The following CDC42BPA variants were observed in gnomAD, a reference collection of about 807,000 sequenced individuals.
CDC42BPA encodes the protein CDC42 binding protein kinase alpha.
Under a neutral mutation model 223.5 loss-of-function variants are expected in CDC42BPA, and 80 were observed. That is an observed-to-expected ratio of 0.36 (90% CI 0.30 to 0.43). The LOEUF (loss-of-function observed/expected upper bound fraction) is 0.43. Ranked by LOEUF, CDC42BPA falls within the 20% of genes least tolerant of loss-of-function variation. The pLI is 1.00. For missense variants in CDC42BPA, 1,743 were observed against 2,099.9 expected, an observed-to-expected ratio of 0.83 and a Z score of 3.32; for synonymous variants, 694 against 718.6, an observed-to-expected ratio of 0.97 and a Z score of 0.55.
At chr1:227,055,898 A>C (rs1161078743) in intron 21 of CDC42BPA, among the ~76,000 whole-genome samples, 1 of 151,854 alleles carries the variant, frequency 6.6e-6, no homozygotes, top group Non-Finnish European at 1.5e-5. Context: ...GCTCTGTTAA[A>C]AAAAAAAAGA....
Position 227,317,034 on chromosome 1 carries a change from T to C in CDC42BPA, c.149A>G (p.Glu50Gly). ...DECNNSPLRR[E>G]KNILEYLEWA... ...TTCTAGGTATTCGAGAATGTTCTTC[T>C]CTCTTCTCAATGGAGAATTATTGCA... is the stretch of plus-strand genomic sequence containing the variant. The change falls in exon 1 of 37, where the codon GAG becomes GGG. Residue 50 changes from glutamate (E) to glycine (G), a missense_variant. Around this residue, in one of 6 missense-constraint regions of CDC42BPA, gnomAD observed 321 missense variants for 488.7 expected, o/e 0.66. Coordinates refer to ENST00000366766, the MANE Select transcript of CDC42BPA (RefSeq NM_001394014.1). The C allele has an allele frequency of 6.2e-7, 1 of 1,613,690 alleles. No homozygotes were observed. The highest frequency in any genetic ancestry group is 8.5e-7 in the Non-Finnish European group (1 of 1,179,684).
chr1:227,023,664 C>A (rs920518260), intron 31 of CDC42BPA, among the ~76,000 whole-genome samples: 5 of 152,142 alleles, frequency 3.3e-5, no homozygotes, highest in African/African-American at 1.2e-4. Flanking sequence ...GATATCAACA[C>A]AGCTGATTTA....
intron 14 of CDC42BPA, among the ~76,000 whole-genome samples, chr1:227,110,167 C>T (rs1355406482): frequency 6.6e-6 from 1 of 152,082 alleles, no homozygotes; most frequent in Non-Finnish European, 1.5e-5. Context: ...TGCATATGTT[C>T]TATCCATTAT....
intron 1 of CDC42BPA, among the ~76,000 whole-genome samples, chr1:227,288,805 G>A (rs1572881972): frequency 6.6e-6 from 1 of 152,124 alleles, no homozygotes; most frequent in East Asian, 1.9e-4. Context: ...GACCAGCCTG[G>A]CCAACGTGGT....
intron 2 of CDC42BPA, among the ~76,000 whole-genome samples, chr1:227,216,524 G>A (rs1331707920): frequency 3.3e-5 from 5 of 152,180 alleles, no homozygotes; most frequent in African/African-American, 4.8e-5. Context: ...TTGAATTATT[G>A]AATTGATAAA....
rs770158825 is a variant in CDC42BPA at position 227,129,091 on chromosome 1, T to C, written c.1513+18A>G. 1 of 1,351,446 alleles carries C rather than the reference T, an allele frequency of 7.4e-7. No individual in the cohort carries two copies. The highest frequency in any genetic ancestry group is 1.0e-6 in the Non-Finnish European group (1 of 961,706). 83.7% of individuals were successfully genotyped at this position (1,351,446 alleles called of 1,614,324 possible). A position where few individuals can be genotyped will look rare whatever the true frequency, so the allele number is the denominator to read the frequency against. On this transcript the variant is annotated intron_variant, in intron 11 of 36. Transcript: ENST00000366766. ...AACATTTCCTAAATTGAATTAACAGTGAATCACAGATATTTACCTGTTACT... is the reference window on the plus strand; with the variant it reads ...AACATTTCCTAAATTGAATTAACAGCGAATCACAGATATTTACCTGTTACT...
chr1:227,033,996 T>A (rs1230308240), intron 26 of CDC42BPA, among the ~76,000 whole-genome samples: 1 of 152,198 alleles, frequency 6.6e-6, no homozygotes, highest in Non-Finnish European at 1.5e-5. Context: ...TGTTCCATAT[T>A]TGTAGGGGAA....
rs1249673329 is a variant in CDC42BPA at position 227,119,786 on chromosome 1, T to C, written c.1647+18A>G. 6.7e-7 allele frequency: 1 copy of C among 1,502,250 alleles called. No individual in the cohort carries two copies. The highest frequency in any genetic ancestry group is 1.2e-5 in the South Asian group (1 of 80,458). The allele number at this position is 1,502,250 out of a possible 1,614,324, so 93.1% of individuals were successfully genotyped here. A position where few individuals can be genotyped will look rare whatever the true frequency, so the allele number is the denominator to read the frequency against. On this transcript the variant is annotated intron_variant, in intron 12 of 36. Coordinates refer to ENST00000366766, the MANE Select transcript of CDC42BPA (RefSeq NM_001394014.1). ...CAAAATAGAGAAAAAGCTTTAATGA[T>C]CTAGTCACATATTTTACCTTATTTA...
intron 5 of CDC42BPA, among the ~76,000 whole-genome samples, chr1:227,178,850 T>C (rs144725911): frequency 0.012 from 1,839 of 152,270 alleles, 15 homozygotes; most frequent in Non-Finnish European, 0.02. Context: ...CCATTAGTTG[T>C]TTTTTCTCTT....
At chr1:227,181,186 G>C (rs1176082038) in intron 5 of CDC42BPA, among the ~76,000 whole-genome samples, 1 of 152,092 alleles carries the variant, frequency 6.6e-6, no homozygotes, top group Non-Finnish European at 1.5e-5. Flanking sequence ...GATGCATAGT[G>C]CATAGATGCA....
intron 27 of CDC42BPA, among the ~76,000 whole-genome samples, chr1:227,032,801 T>A (rs1669529520): frequency 6.6e-6 from 1 of 152,108 alleles, no homozygotes; most frequent in South Asian, 2.1e-4. Flanking sequence ...AGCACCCAGA[T>A]GTAAGAGCAA....
In CDC42BPA at chr1:227,317,493, A is replaced by G. The variant is rs1403191536; in HGVS notation, c.-311T>C. On this transcript the variant is annotated 5_prime_UTR_variant, in exon 1 of 37. Transcript: ENST00000366766. Reference sequence around the variant, plus strand: ...ATAATAATTAAAAGTACAACGAACTAGAGAGTCAACACTTCTTTAAAAAAA... The same window carrying G: ...ATAATAATTAAAAGTACAACGAACTGGAGAGTCAACACTTCTTTAAAAAAA... The G allele has an allele frequency of 2.5e-6, 1 of 396,358 alleles. No individual in the cohort carries two copies. Among genetic ancestry groups the G allele is most frequent in the Non-Finnish European group, 4.4e-6 (1 of 226,296 alleles). The allele number at this position is 396,358 out of a possible 1,614,324, so 24.6% of individuals were successfully genotyped here.
chr1:227,202,760 C>CAAA (rs35609906), intron 3 of CDC42BPA, among the ~76,000 whole-genome samples: 12,292 of 114,164 alleles, frequency 0.11, 884 homozygotes, highest in South Asian at 0.21. Context: ...TCTCTACAGG[C>CAAA]AAAAAAAAAA....
rs935016736 is a variant in CDC42BPA at position 226,992,514 on chromosome 1, G to A, written c.*1754C>T. The A allele has an allele frequency of 6.6e-6, 1 of 152,370 alleles. No individual in the cohort carries two copies. The highest frequency in any genetic ancestry group is 1.5e-5 in the Non-Finnish European group (1 of 68,086). The allele number at this position is 152,370 out of a possible 1,614,324, so 9.4% of individuals were successfully genotyped here. Reference sequence around the variant, plus strand: ...CCCTGCACATGCCGCAGGCCAGCATGGTGGCCACCTCAGTGACACGCAGGT... The same window carrying A: ...CCCTGCACATGCCGCAGGCCAGCATAGTGGCCACCTCAGTGACACGCAGGT... On this transcript the variant is annotated 3_prime_UTR_variant, in exon 37 of 37. Transcript: ENST00000366766.
chr1:227,237,811 CG>C (rs35284969), intron 2 of CDC42BPA, among the ~76,000 whole-genome samples: 46,379 of 151,352 alleles, frequency 0.31, 7,237 homozygotes, highest in East Asian at 0.37. Context: ...GAGGCCGAGG[CG>C]GGCGGATCAC....
chr1:227,093,672 T>C (rs1244894185), intron 15 of CDC42BPA, among the ~76,000 whole-genome samples: 2 of 152,180 alleles, frequency 1.3e-5, no homozygotes, highest in Non-Finnish European at 2.9e-5. Flanking sequence ...CCAAAGACTT[T>C]TGTATGTTCC....
intron 2 of CDC42BPA, among the ~76,000 whole-genome samples, chr1:227,231,706 G>A (rs1678007169): frequency 6.6e-6 from 1 of 151,648 alleles, no homozygotes; most frequent in Non-Finnish European, 1.5e-5. Context: ...TCCCATTGTG[G>A]TTTTGATTTG....
intron 8 of CDC42BPA, 108 bp from the exon 9 acceptor site, chr1:227,143,132 G>A (rs960317326): frequency 1.3e-5 from 8 of 609,990 alleles, no homozygotes; most frequent in Non-Finnish European, 2.0e-5. Context: ...AATTGTGACT[G>A]TTCAATTTTA....
chr1:227,240,317 C>T, intron 2 of CDC42BPA, among the ~76,000 whole-genome samples: 1 of 152,042 alleles, frequency 6.6e-6, no homozygotes, highest in East Asian at 1.9e-4. Context: ...CAGAGACTAA[C>T]AGACTCAACA....
Sources: gnomAD v4.1 joint callset for allele counts (sites outside exome capture counted in the v4.1 genomes callset) on GRCh38, gnomAD v4.1.1 for gene constraint, gnomAD v4.1.1 regional missense constraint, MANE v1.5 for transcripts, NCBI Gene and HGNC (gene_info 2026-07-23, HGNC 2026-07-21) for gene names.